The following MAP3K20 variants were observed in gnomAD, a reference collection of about 807,000 sequenced individuals.
MAP3K20 encodes the protein HCCS-4.
Under a neutral mutation model 85.7 loss-of-function variants are expected in MAP3K20, and 40 were observed. The observed-to-expected ratio is 0.47, with a 90% CI of 0.36 to 0.61. The LOEUF is 0.61. Among genes scored for constraint, MAP3K20 ranks in the 20% least tolerant of loss-of-function variants. The pLI, the probability that MAP3K20 is intolerant of heterozygous loss-of-function variation, is 0.00. For synonymous variants in MAP3K20, 325 were observed against 327.7 expected (o/e 0.99, Z 0.09); for missense variants, 817 against 961.7 (o/e 0.85, Z 1.99).
At chr2:173,117,234 A>T (rs1465194911) in intron 2 of MAP3K20, among the ~76,000 whole-genome samples, 1 of 152,276 alleles carries the variant, frequency 6.6e-6, no homozygotes, top group African/African-American at 2.4e-5. Context: ...ATGCCTGAAG[A>T]GTTTCTTTTT....
intron 16 of MAP3K20, among the ~76,000 whole-genome samples, chr2:173,248,488 T>TA (rs1347875057): frequency 6.6e-6 from 1 of 152,252 alleles, no homozygotes; most frequent in African/African-American, 2.4e-5. Context: ...TACAACTGCA[T>TA]AAGTCACTGC....
chr2:173,094,064 C>T (rs931261510), intron 2 of MAP3K20, among the ~76,000 whole-genome samples: 2 of 151,800 alleles, frequency 1.3e-5, no homozygotes, highest in African/African-American at 4.8e-5. Flanking sequence ...GGGTGCAGCA[C>T]ACCAGCATGG....
At chr2:173,114,878 G>C (rs1416017589) in intron 2 of MAP3K20, among the ~76,000 whole-genome samples, 2 of 152,200 alleles carry the variant, frequency 1.3e-5, no homozygotes, top group Admixed American at 6.5e-5. Context: ...TGATGACAGA[G>C]CACCTAGGCG....
At chr2:173,207,547 C>G (rs1683729585) in intron 9 of MAP3K20, 1 of 152,136 alleles carries the variant, frequency 6.6e-6, no homozygotes, top group African/African-American at 2.4e-5. Context: ...AGTATCTTAC[C>G]CTTATGTGAT....
intron 2 of MAP3K20, among the ~76,000 whole-genome samples, chr2:173,097,569 A>G (rs934958024): frequency 1.3e-5 from 2 of 152,200 alleles, no homozygotes; most frequent in Admixed American, 6.5e-5. Context: ...AAGAGGTAAT[A>G]TATAAGGCCT....
At chr2:173,221,798 T>C in intron 11 of MAP3K20, 1 of 1,098,498 alleles carries the variant, frequency 9.1e-7, no homozygotes, top group Non-Finnish European at 1.1e-6. Context: ...ATATACAATA[T>C]AGGACTTTTA....
chr2:173,093,521 G>A (rs932415861), intron 2 of MAP3K20, among the ~76,000 whole-genome samples: 1 of 152,134 alleles, frequency 6.6e-6, no homozygotes, highest in Non-Finnish European at 1.5e-5. Context: ...AGTGTAGTGA[G>A]TATGTACTAC....
intron 4 of MAP3K20, among the ~76,000 whole-genome samples, chr2:173,183,387 C>T (rs1690388611): frequency 6.6e-6 from 1 of 151,992 alleles, no homozygotes; most frequent in Admixed American, 6.6e-5. Flanking sequence ...AAAATAGAAA[C>T]CACTTGCAAA....
chr2:173,150,420 G>T (rs890419324), intron 2 of MAP3K20, among the ~76,000 whole-genome samples: 14 of 152,140 alleles, frequency 9.2e-5, no homozygotes, highest in South Asian at 2.1e-4. Context: ...TCTTTGATTT[G>T]TGGTCAGTGT....
At chr2:173,259,149 CTATT>C (rs1161189157) in intron 17 of MAP3K20, among the ~76,000 whole-genome samples, 2 of 151,978 alleles carry the variant, frequency 1.3e-5, no homozygotes, top group Admixed American at 1.3e-4. Flanking sequence ...CAAATTTTGA[CTATT>C]TAAACTTTGG....
At chr2:173,255,871 G>A (rs1685145793) in intron 16 of MAP3K20, among the ~76,000 whole-genome samples, 1 of 152,238 alleles carries the variant, frequency 6.6e-6, no homozygotes, top group African/African-American at 2.4e-5. Flanking sequence ...TTTCAGAGAA[G>A]AGCAATCATG....
chr2:173,230,504 C>A (rs1684497346), intron 12 of MAP3K20, among the ~76,000 whole-genome samples: 1 of 152,172 alleles, frequency 6.6e-6, no homozygotes, highest in African/African-American at 2.4e-5. Flanking sequence ...GGAATAGACA[C>A]AAGCACGCCC....
At chr2:173,242,257 C>T (rs1344784782) in intron 16 of MAP3K20, among the ~76,000 whole-genome samples, 2 of 151,252 alleles carry the variant, frequency 1.3e-5, no homozygotes, top group South Asian at 2.1e-4. Flanking sequence ...CTCACTGCAA[C>T]CTCCGACTCC....
At chr2:173,245,235 C>CCT (rs1487595459) in intron 16 of MAP3K20, among the ~76,000 whole-genome samples, 5 of 152,252 alleles carry the variant, frequency 3.3e-5, no homozygotes, top group African/African-American at 9.6e-5. Context: ...ACCCTGTCCA[C>CCT]CTTTGTCCTA....
At chr2:173,191,653 A>G (rs1021985741) in intron 7 of MAP3K20, among the ~76,000 whole-genome samples, 3 of 152,266 alleles carry the variant, frequency 2.0e-5, no homozygotes, top group Admixed American at 6.5e-5. Context: ...ATCGGTTTCT[A>G]AAAGTCCAAA....
In MAP3K20 at chr2:173,078,589, T is replaced by A. The variant is rs181809667; in HGVS notation, c.-35+2587T>A. On this transcript the variant is annotated intron_variant, in intron 1 of 19. Coordinates refer to ENST00000375213, the MANE Select transcript of MAP3K20 (RefSeq NM_016653.3). ...TGGGTGCTTTTATGTCAGACCCTCC[T>A]ACGGATGCTGAAGCATCGTCCTAAT... Among the ~76,000 whole-genome samples, 4 of 152,312 alleles carry A rather than the reference T, an allele frequency of 2.6e-5. No homozygotes were observed. In the East Asian group the frequency reaches 7.7e-4, roughly 29 times the overall value.
chr2:173,099,334 TG>T (rs1687561766), intron 2 of MAP3K20, among the ~76,000 whole-genome samples: 3 of 116,706 alleles, frequency 2.6e-5, no homozygotes, highest in African/African-American at 8.2e-5. Context: ...TGTTTTGTTT[TG>T]TTTTTTTTTT....
At chr2:173,166,944 G>A (rs999982788) in intron 2 of MAP3K20, 34 of 124,176 alleles carry the variant, frequency 2.7e-4, no homozygotes, top group African/African-American at 9.8e-4. Context: ...ACGGAGTCTC[G>A]CTCTTTCGCC....
intron 7 of MAP3K20, among the ~76,000 whole-genome samples, chr2:173,193,232 TAG>T (rs1336454697): frequency 6.6e-6 from 1 of 152,218 alleles, no homozygotes; most frequent in African/African-American, 2.4e-5. Flanking sequence ...ATAGTTATTG[TAG>T]ACTGTTACAG....
Sources: gnomAD v4.1 joint callset for allele counts (sites outside exome capture counted in the v4.1 genomes callset) on GRCh38, gnomAD v4.1.1 for gene constraint, MANE v1.5 for transcripts, NCBI Gene and HGNC (gene_info 2026-07-23, HGNC 2026-07-21) for gene names.